Variants in ITGB6 observed in about 807,000 individuals in gnomAD.
ITGB6 encodes integrin beta-6.
In ITGB6, 80 loss-of-function variants were observed where a neutral mutation model predicts 84.5. That is an observed-to-expected ratio of 0.95 (90% confidence interval 0.79 to 1.14). The LOEUF is 1.14. ITGB6 is among the 50% of genes most tolerant of loss of function. ITGB6 has a pLI of 0.00. For missense variants in ITGB6, 1,006 were observed against 968.0 expected (o/e 1.04, Z -0.52); for synonymous variants, 383 against 354.9 (o/e 1.08, Z -0.89).
At chr2:160,175,352 T>C (rs1329929922) in intron 4 of ITGB6, among the ~76,000 whole-genome samples, 1 of 152,220 alleles carries the variant, frequency 6.6e-6, no homozygotes, top group Non-Finnish European at 1.5e-5. Context: ...CTTGCCGTGT[T>C]TTCTGAGTCA....
At chr2:160,149,640 G>A (rs1016719313) in intron 7 of ITGB6, among the ~76,000 whole-genome samples, 10 of 151,944 alleles carry the variant, frequency 6.6e-5, no homozygotes, top group African/African-American at 1.9e-4. Flanking sequence ...TCAGAAGGTC[G>A]GTAATAGCAG....
chr2:160,145,128 A>G (rs191520806), intron 7 of ITGB6, among the ~76,000 whole-genome samples: 1,594 of 152,322 alleles, frequency 0.01, 19 homozygotes, highest in Non-Finnish European at 0.014. Context: ...GTAATTAAAC[A>G]TGTTTAATGT....
intron 10 of ITGB6, among the ~76,000 whole-genome samples, chr2:160,134,013 A>C (rs1445079976): frequency 6.6e-6 from 1 of 152,204 alleles, no homozygotes; most frequent in African/African-American, 2.4e-5. Flanking sequence ...AGCATGAGCA[A>C]ACACACTCAA....
In ITGB6 at chr2:160,155,265, A is replaced by C. The variant is rs114210028; in HGVS notation, c.1018-13194T>G. ...CATTCTGGAAAAGGCAAAACTGTGG[A>C]GCCAGTAAAAAGATGAGTGGTTGCC... On this transcript the variant is annotated intron_variant, in intron 7 of 14. Coordinates refer to ENST00000283249, the MANE Select transcript of ITGB6 (RefSeq NM_000888.5). Among the ~76,000 whole-genome samples, 1,061 of 152,264 alleles carry C rather than the reference A, an allele frequency of 7.0e-3. 16 individuals carry two copies. Among genetic ancestry groups the C allele is most frequent in the African/African-American group, 0.025 (1,023 of 41,544 alleles).
At chr2:160,102,059 C>G (rs1696742614) in intron 14 of ITGB6, among the ~76,000 whole-genome samples, 1 of 152,078 alleles carries the variant, frequency 6.6e-6, no homozygotes, top group Non-Finnish European at 1.5e-5. Context: ...AAAATCTTAC[C>G]TCTTTTGGTA....
At chr2:160,168,868 TAACTCCCTCA>T (rs1685099728) in intron 7 of ITGB6, among the ~76,000 whole-genome samples, 1 of 152,228 alleles carries the variant, frequency 6.6e-6, no homozygotes, top group Admixed American at 6.5e-5. Flanking sequence ...TGTTCTCTGT[TAACTCCCTCA>T]TTAGATGAAA....
At chr2:160,166,421 A>G (rs935098708) in intron 7 of ITGB6, among the ~76,000 whole-genome samples, 2 of 152,232 alleles carry the variant, frequency 1.3e-5, no homozygotes, top group African/African-American at 4.8e-5. Context: ...AATAGCCCAC[A>G]GTGATTAATA....
intron 7 of ITGB6, among the ~76,000 whole-genome samples, chr2:160,149,108 C>T (rs1311185250): frequency 6.6e-6 from 1 of 152,248 alleles, no homozygotes; most frequent in Non-Finnish European, 1.5e-5. Flanking sequence ...TCTCTCAGCA[C>T]TGCGTTTGAG....
At chr2:160,147,572 T>C (rs1284574680) in intron 7 of ITGB6, among the ~76,000 whole-genome samples, 1 of 152,170 alleles carries the variant, frequency 6.6e-6, no homozygotes, top group Admixed American at 6.5e-5. Context: ...CTATCTGACT[T>C]CAAGACTTAC....
At chr2:160,126,733 T>A (rs1389057965) in intron 10 of ITGB6, 132 bp from the exon 11 acceptor site, 1 of 764,784 alleles carries the variant, frequency 1.3e-6, no homozygotes, top group East Asian at 2.6e-5. Context: ...AAAAAAAGTA[T>A]GTGTGTGAGG....
At chr2:160,151,014 T>C (rs1684393795) in intron 7 of ITGB6, among the ~76,000 whole-genome samples, 1 of 151,778 alleles carries the variant, frequency 6.6e-6, no homozygotes, top group Admixed American at 6.6e-5. Flanking sequence ...TGAGAGACAC[T>C]GTCTCTCATT....
At chr2:160,179,943 C>CAAAA (rs60463723) in intron 4 of ITGB6, among the ~76,000 whole-genome samples, 2 of 102,998 alleles carry the variant, frequency 1.9e-5, no homozygotes, top group African/African-American at 3.7e-5. Flanking sequence ...ACTAAAAATA[C>CAAAA]AAAAAAAAAA....
At chr2:160,107,886 AC>A (rs1455411494) in intron 13 of ITGB6, 41 bp from the exon 14 acceptor site, 16 of 1,507,156 alleles carry the variant, frequency 1.1e-5, no homozygotes, top group Non-Finnish European at 1.4e-5. Context: ...GGTAAAATCA[AC>A]ATTTTGACAT....
intron 7 of ITGB6, among the ~76,000 whole-genome samples, chr2:160,161,459 T>G (rs908183507): frequency 6.6e-6 from 1 of 152,084 alleles, no homozygotes; most frequent in African/African-American, 2.4e-5. Flanking sequence ...CTTGGCTGAT[T>G]TTTGTATTTT....
intron 10 of ITGB6, among the ~76,000 whole-genome samples, chr2:160,137,069 A>G (rs964878663): frequency 1.3e-5 from 2 of 151,822 alleles, no homozygotes; most frequent in Non-Finnish European, 3.0e-5. Context: ...AAAAAGAAAA[A>G]AAAAAAGAAA....
chr2:160,120,614 A>C, intron 12 of ITGB6, among the ~76,000 whole-genome samples: 1 of 57,938 alleles, frequency 1.7e-5, no homozygotes, highest in Non-Finnish European at 3.7e-5. Context: ...ACATGTATAC[A>C]TATGTAACAA....
chr2:160,132,931 T>C (rs1024113554), intron 10 of ITGB6, among the ~76,000 whole-genome samples: 3 of 152,186 alleles, frequency 2.0e-5, no homozygotes, highest in African/African-American at 7.2e-5. Flanking sequence ...ATCTTTCTTA[T>C]GCTCAGTGCC....
intron 4 of ITGB6, among the ~76,000 whole-genome samples, chr2:160,177,831 G>T (rs1685488946): frequency 6.6e-6 from 1 of 152,072 alleles, no homozygotes; most frequent in African/African-American, 2.4e-5. Context: ...GTAGCTGTGG[G>T]TGGTAGAAAA....
chr2:160,198,492 A>G (rs1686430150), intron 2 of ITGB6, among the ~76,000 whole-genome samples: 1 of 152,244 alleles, frequency 6.6e-6, no homozygotes, highest in Admixed American at 6.5e-5. Context: ...AAATTCAGAA[A>G]GCTAATGCCT....
Sources: gnomAD v4.1 joint callset for allele counts (sites outside exome capture counted in the v4.1 genomes callset) on GRCh38, gnomAD v4.1.1 for gene constraint, MANE v1.5 for transcripts, NCBI Gene and HGNC (gene_info 2026-07-23, HGNC 2026-07-21) for gene names.